SERTAD1: variants seen among roughly 807,000 people sequenced by gnomAD.
The protein encoded by SERTAD1 is SERTA domain-containing protein 1.
A neutral mutation model predicts 11.7 loss-of-function variants in SERTAD1; 5 were observed. That is an observed-to-expected ratio of 0.43 (90% confidence interval 0.22 to 0.90). SERTAD1 has a LOEUF of 0.90. Ranked by LOEUF, SERTAD1 falls within the 40% of genes least tolerant of loss-of-function variation. The pLI is 0.27. For synonymous variants in SERTAD1, 139 were observed against 141.4 expected (o/e 0.98, Z 0.12); for missense variants, 287 against 313.9 (o/e 0.91, Z 0.65).
At chr19:40,425,222 G>T (rs568899322) in intron 1 of SERTAD1, among the ~76,000 whole-genome samples, 1 of 152,130 alleles carries the variant, frequency 6.6e-6, no homozygotes, top group African/African-American at 2.4e-5. Flanking sequence ...TGGAGTGGCG[G>T]GGGTAGGGCT....
chr19:40,423,167 C>T lies in SERTAD1; in HGVS notation c.380G>A (p.Gly127Asp). ...CAAGGGTTGGGGAGCCTGACTCAGG[C>T]CCTCAATGTGGCTGAGGTCCTCCAG... ...SLLEDLSHIEGLSQAPQPLAD... is the reference protein window; with the variant it reads ...SLLEDLSHIEDLSQAPQPLAD... The change falls in exon 2 of 2, where the codon GGC becomes GAC. Residue 127 changes from glycine to aspartate, a missense_variant. Transcript: ENST00000357949. The T allele has an allele frequency of 6.9e-6, 11 of 1,602,220 alleles. No homozygotes were observed. The highest frequency in any genetic ancestry group is 9.4e-6 in the Non-Finnish European group (11 of 1,173,890).
In SERTAD1 at chr19:40,423,360, C is replaced by T. The variant is rs1212360528; in HGVS notation, c.187G>A (p.Asp63Asn). Residue 63 changes from aspartate (D) to asparagine (N), a missense_variant, in exon 2 of 2, where the codon GAC (aspartate) becomes AAC (asparagine). Coordinates refer to ENST00000357949, the MANE Select transcript of SERTAD1 (RefSeq NM_013376.4). ...LHHSLQQSEPDLRHLVLVVNT... is the reference protein window; with the variant it reads ...LHHSLQQSEPNLRHLVLVVNT... ...ACGACCAGCACCAGGTGCCGCAGGT[C>T]CGGCTCACTCTGCTGCAGGCTGTGG... 1 of 1,613,426 alleles carries T rather than the reference C, an allele frequency of 6.2e-7. No homozygotes were observed. Among genetic ancestry groups the T allele is most frequent in the Non-Finnish European group, 8.5e-7 (1 of 1,179,982 alleles).
intron 1 of SERTAD1, among the ~76,000 whole-genome samples, chr19:40,425,407 AC>A (rs2079612859): frequency 6.6e-6 from 1 of 151,246 alleles, no homozygotes; most frequent in African/African-American, 2.4e-5. Flanking sequence ...TTCCGCCCCC[AC>A]CCCCGACTCC....
In SERTAD1 at chr19:40,422,464, G is replaced by T. The variant is rs1229762310; in HGVS notation, c.*372C>A. 8 of 231,876 alleles carry T rather than the reference G, an allele frequency of 3.5e-5. No homozygotes were observed. The highest frequency in any genetic ancestry group is 3.3e-4 in the Admixed American group (6 of 18,460). The allele number at this position is 231,876 out of a possible 1,614,324, so 14.4% of individuals were successfully genotyped here. On this transcript the variant is annotated 3_prime_UTR_variant, in exon 2 of 2. Transcript: ENST00000357949. ...ATAAAATGTTTGATGTTTTTATCTC[G>T]CCTTCACATTTGCCCAGAGACAAAG...
intron 1 of SERTAD1, among the ~76,000 whole-genome samples, chr19:40,423,887 C>A (rs530193532): frequency 4.3e-4 from 66 of 152,042 alleles, no homozygotes; most frequent in African/African-American, 1.5e-3. Context: ...CCACCACACC[C>A]GGCTAATTTT....
Position 40,422,571 on chromosome 19 carries a change from A to C in SERTAD1, c.*265T>G. 2.4e-6 allele frequency: 1 copy of C among 422,252 alleles called. No individual in the cohort carries two copies. The highest frequency in any genetic ancestry group is 2.0e-5 in the African/African-American group (1 of 49,264). The allele number at this position is 422,252 out of a possible 1,614,324, so 26.2% of individuals were successfully genotyped here. A position where few individuals can be genotyped will look rare whatever the true frequency, so the allele number is the denominator to read the frequency against. ...GGTCTCTTCCCGTATCAGAGAAGGA[A>C]CAGCCCAAGCTATGACCCCAGGGCC... On this transcript the variant is annotated 3_prime_UTR_variant, in exon 2 of 2. Transcript: ENST00000357949.
At chr19:40,423,682 G>A in intron 1 of SERTAD1, 136 bp from the exon 2 acceptor site, 1 of 584,766 alleles carries the variant, frequency 1.7e-6, no homozygotes, top group Non-Finnish European at 3.0e-6. Flanking sequence ...GCTTTTCTTA[G>A]GGAACTTTAA....
rs1316444214 is a variant in SERTAD1 at position 40,423,553 on chromosome 19, A to G, written c.1-7T>C. The G allele has an allele frequency of 7.9e-6, 12 of 1,524,272 alleles. No individual in the cohort carries two copies. Among genetic ancestry groups the G allele is most frequent in the Non-Finnish European group, 1.1e-5 (12 of 1,115,802 alleles). 94.4% of individuals were successfully genotyped at this position (1,524,272 alleles called of 1,614,324 possible). On this transcript the variant is annotated splice_region_variant and splice_polypyrimidine_tract_variant and intron_variant, in intron 1 of 1. Coordinates refer to ENST00000357949, the MANE Select transcript of SERTAD1 (RefSeq NM_013376.4). The stretch of plus-strand genomic sequence containing the variant: ...TCAGACCCTTGCTCAGCATCTGCAG[A>G]GGGCAGGGAGTTATGGAGTTATAGT...
At chr19:40,425,791 G>C (rs899989154) in intron 1 of SERTAD1, 76 bp downstream of exon 1, 6 of 152,206 alleles carry the variant, frequency 3.9e-5, no homozygotes, top group Non-Finnish European at 8.8e-5. Flanking sequence ...GGCACCTGTC[G>C]GACCCAGGGA....
chr19:40,422,848 C>T lies in SERTAD1; in HGVS notation c.699G>A (p.Gly233=). The T allele has an allele frequency of 6.3e-7, 1 of 1,599,654 alleles. No individual in the cohort carries two copies. The highest frequency in any genetic ancestry group is 1.1e-5 in the South Asian group (1 of 89,680). The change falls in exon 2 of 2, where the codon GGG becomes GGA. Residue 233 remains glycine, a synonymous_variant. Transcript: ENST00000357949. ...VGTQALERPP[G]PGR is the part of the protein sequence containing the mutation. ...CCAGCACGAGGGCTCAGCGCCCTGG[C>T]CCCGGCGGTCGCTCCAGTGCCTGTG...
intron 1 of SERTAD1, 137 bp from the exon 2 acceptor site, chr19:40,423,683 G>A (rs1272386581): frequency 5.2e-6 from 3 of 582,108 alleles, no homozygotes; most frequent in African/African-American, 1.9e-5. Context: ...CTTTTCTTAG[G>A]GAACTTTAAA....
chr19:40,421,880 G>A lies in SERTAD1; in HGVS notation c.*956C>T, dbSNP rs1177811276. The A allele has an allele frequency of 6.6e-6, 1 of 151,752 alleles. No homozygotes were observed. Among genetic ancestry groups the A allele is most frequent in the Non-Finnish European group, 1.5e-5 (1 of 67,980 alleles). 9.4% of individuals were successfully genotyped at this position (151,752 alleles called of 1,614,324 possible). On this transcript the variant is annotated 3_prime_UTR_variant, in exon 2 of 2. Transcript: ENST00000357949. Reference sequence around the variant, plus strand: ...AAAAAAAAAAAAGGCCAGGCACAGTGGCTCACGCCTGTAATCCCAGCACTT... The same window carrying A: ...AAAAAAAAAAAAGGCCAGGCACAGTAGCTCACGCCTGTAATCCCAGCACTT...
chr19:40,424,563 A>G (rs1032631182), intron 1 of SERTAD1, among the ~76,000 whole-genome samples: 43 of 152,356 alleles, frequency 2.8e-4, no homozygotes, highest in African/African-American at 1.0e-3. Context: ...TGTACAGAGA[A>G]TTACAGGAAG....
intron 1 of SERTAD1, among the ~76,000 whole-genome samples, chr19:40,424,894 G>A (rs969736863): frequency 6.6e-6 from 1 of 152,190 alleles, no homozygotes; most frequent in Non-Finnish European, 1.5e-5. Context: ...TATCCTGAGT[G>A]TGGTGGGCAG....
chr19:40,425,217 T>G (rs550769739), intron 1 of SERTAD1, among the ~76,000 whole-genome samples: 2 of 151,916 alleles, frequency 1.3e-5, no homozygotes, highest in African/African-American at 4.8e-5. Flanking sequence ...GTTCTTGGAG[T>G]GGCGGGGGTA....
rs2079599074 is a variant in SERTAD1 at position 40,421,812 on chromosome 19, G to A, written c.*1024C>T. 1 of 151,070 alleles carries A rather than the reference G, an allele frequency of 6.6e-6. No individual in the cohort carries two copies. 9.4% of individuals were successfully genotyped at this position (151,070 alleles called of 1,614,324 possible). A position where few individuals can be genotyped will look rare whatever the true frequency, so the allele number is the denominator to read the frequency against. ...GACTTGCTTTCATTTTTAAAAAGTTGCCTTGACTTCCTGCTAGCAAAGAAA... is the reference window on the plus strand; with the variant it reads ...GACTTGCTTTCATTTTTAAAAAGTTACCTTGACTTCCTGCTAGCAAAGAAA... On this transcript the variant is annotated 3_prime_UTR_variant, in exon 2 of 2. Coordinates refer to ENST00000357949, the MANE Select transcript of SERTAD1 (RefSeq NM_013376.4).
At position 40,423,516 on chromosome 19, in the gene SERTAD1, C is replaced by T; in HGVS notation, c.31G>A (p.Glu11Lys). 6.2e-7 allele frequency: 1 copy of T among 1,607,996 alleles called. No individual in the cohort carries two copies. The highest frequency in any genetic ancestry group is 1.7e-4 in the Middle Eastern group (1 of 6,052). MLSKGLKRKR[E>K]EEEEKEPLAV... The stretch of plus-strand genomic sequence containing the variant: ...AGAGGTTCCTTCTCCTCCTCCTCCT[C>T]CCGTTTCCGCTTCAGACCCTTGCTC... Residue 11 changes from glutamate (E) to lysine (K), a missense_variant, in exon 2 of 2, where the codon GAG becomes AAG. Transcript: ENST00000357949.
rs1452785831 is a variant in SERTAD1 at position 40,423,345 on chromosome 19, C to G, written c.202G>C (p.Val68Leu). 6.2e-7 allele frequency: 1 copy of G among 1,613,180 alleles called. No homozygotes were observed. Among genetic ancestry groups the G allele is most frequent in the Non-Finnish European group, 8.5e-7 (1 of 1,179,876 alleles). Residue 68 changes from valine to leucine, a missense_variant, in exon 2 of 2, where the codon GTG becomes CTG. Coordinates refer to ENST00000357949, the MANE Select transcript of SERTAD1 (RefSeq NM_013376.4). ...QQSEPDLRHLVLVVNTLRRIQ... is the reference protein window; with the variant it reads ...QQSEPDLRHLLLVVNTLRRIQ... ...CGCCGCAGAGTGTTCACGACCAGCACCAGGTGCCGCAGGTCCGGCTCACTC... is the reference window on the plus strand; with the variant it reads ...CGCCGCAGAGTGTTCACGACCAGCAGCAGGTGCCGCAGGTCCGGCTCACTC...
chr19:40,423,336 C>A lies in SERTAD1; in HGVS notation c.211G>T (p.Val71Leu). 1.9e-6 allele frequency: 3 copies of A among 1,612,630 alleles called. No individual in the cohort carries two copies. The highest frequency in any genetic ancestry group is 2.5e-6 in the Non-Finnish European group (3 of 1,179,612). Residue 71 changes from valine (V) to leucine (L), a missense_variant, in exon 2 of 2, where the codon GTG becomes TTG. Coordinates refer to ENST00000357949, the MANE Select transcript of SERTAD1 (RefSeq NM_013376.4). ...GCCTGGATGCGCCGCAGAGTGTTCACGACCAGCACCAGGTGCCGCAGGTCC... is the reference window on the plus strand; with the variant it reads ...GCCTGGATGCGCCGCAGAGTGTTCAAGACCAGCACCAGGTGCCGCAGGTCC... ...EPDLRHLVLVVNTLRRIQASM... is the reference protein window; with the variant it reads ...EPDLRHLVLVLNTLRRIQASM...
Sources: gnomAD v4.1 joint callset for allele counts (sites outside exome capture counted in the v4.1 genomes callset) on GRCh38, gnomAD v4.1.1 for gene constraint, MANE v1.5 for transcripts, NCBI Gene and HGNC (gene_info 2026-07-23, HGNC 2026-07-21) for gene names.